The following RPS21 variants were observed in gnomAD, a reference collection of about 807,000 sequenced individuals.
The protein encoded by RPS21 is small ribosomal subunit protein eS21.
Under a neutral mutation model 14.5 loss-of-function variants are expected in RPS21, and 6 were observed. The ratio of observed to expected loss-of-function variants is 0.41; its 90% confidence interval spans 0.23 to 0.82. The LOEUF (loss-of-function observed/expected upper bound fraction) is 0.82, where lower values mean the gene tolerates loss of function less well. Ranked by LOEUF, RPS21 falls within the 40% of genes least tolerant of loss-of-function variation. The pLI, the probability that RPS21 is intolerant of heterozygous loss-of-function variation, is 0.31. For missense variants in RPS21, 85 were observed against 115.0 expected (o/e 0.74, Z 1.19); for synonymous variants, 61 against 42.6 (o/e 1.43, Z -1.69).
intron 1 of RPS21, 30 bp downstream of exon 1, chr20:62,387,166 A>AGGGCTG (rs899576032): frequency 8.0e-5 from 41 of 515,426 alleles, no homozygotes; most frequent in South Asian, 7.3e-4. Flanking sequence ...CTTCGGGCTC[A>AGGGCTG]GGGCTGGGGC....
At chr20:62,387,544 C>A (rs1412300520) in intron 2 of RPS21, 67 bp from the exon 3 acceptor site, 1 of 1,589,118 alleles carries the variant, frequency 6.3e-7, no homozygotes, top group South Asian at 1.1e-5. Flanking sequence ...TACCCCCAAC[C>A]TCCCTCGTCC....
rs1214269251 is a variant in RPS21 at position 62,387,392 on chromosome 20, A to G, written c.50+4A>G. 1 of 1,608,126 alleles carries G rather than the reference A, an allele frequency of 6.2e-7. No homozygotes were observed. Among genetic ancestry groups the G allele is most frequent in the East Asian group, 2.2e-5 (1 of 44,518 alleles). On this transcript the variant is annotated splice_donor_region_variant and intron_variant, in intron 2 of 5. Coordinates refer to ENST00000343986, the MANE Select transcript of RPS21 (RefSeq NM_001024.4). Reference sequence around the variant, plus strand: ...ACCTGTACGTGCCGCGGAAATGGTAAGCGCCCCCCACATGCCTCTCTTCCG... The same window carrying G: ...ACCTGTACGTGCCGCGGAAATGGTAGGCGCCCCCCACATGCCTCTCTTCCG...
chr20:62,387,749 G>A (rs764197442), intron 3 of RPS21, 75 bp downstream of exon 3: 3 of 1,614,066 alleles, frequency 1.9e-6, no homozygotes, highest in Non-Finnish European at 1.7e-6. Flanking sequence ...TTGTGGAGGA[G>A]CCCCTGGGGT....
At chr20:62,387,213 G>A (rs972403670) in intron 1 of RPS21, 77 bp downstream of exon 1, 15 of 752,772 alleles carry the variant, frequency 2.0e-5, no homozygotes, top group Non-Finnish European at 2.7e-5. Flanking sequence ...GGGGGACGGG[G>A]TGCGGGGTGC....
rs745932329 is a variant in RPS21 at position 62,387,333 on chromosome 20, C to T, written c.-6C>T. 114 of 1,598,560 alleles carry T rather than the reference C, an allele frequency of 7.1e-5. No homozygotes were observed. The highest frequency in any genetic ancestry group is 9.3e-5 in the Non-Finnish European group (109 of 1,173,444). ...GGTGACTCCCCAGGCGCAGCCCAGC[C>T]TCGAAATGCAGAACGACGCCGGCGA... On this transcript the variant is annotated 5_prime_UTR_variant, in exon 2 of 6. Coordinates refer to ENST00000343986, the MANE Select transcript of RPS21 (RefSeq NM_001024.4).
In RPS21 at chr20:62,388,214, G is replaced by C. The variant is rs1316506956; in HGVS notation, c.187-95G>C. 4 of 1,476,072 alleles carry C rather than the reference G, an allele frequency of 2.7e-6. No individual in the cohort carries two copies. The African/African-American group carries it at 5.7e-5, about 21-fold the overall frequency. The allele number at this position is 1,476,072 out of a possible 1,614,324, so 91.4% of individuals were successfully genotyped here. A position where few individuals can be genotyped will look rare whatever the true frequency, so the allele number is the denominator to read the frequency against. ...TGCGCCTGTCTCCATTCGCTCAGCG[G>C]GGGAGAGACGTGGGCTGGTGGCACA... On this transcript the variant is annotated intron_variant, in intron 4 of 5. Coordinates refer to ENST00000343986, the MANE Select transcript of RPS21 (RefSeq NM_001024.4).
intron 4 of RPS21, 172 bp from the exon 5 acceptor site, chr20:62,388,137 C>T (rs1404122477): frequency 4.0e-6 from 6 of 1,489,166 alleles, no homozygotes; most frequent in East Asian, 4.9e-5. Context: ...CCCCCGACCC[C>T]GCTCCACCAT....
intron 4 of RPS21, 96 bp from the exon 5 acceptor site, chr20:62,388,212 CG>C: frequency 6.8e-7 from 1 of 1,467,822 alleles, no homozygotes; most frequent in Non-Finnish European, 9.2e-7. Context: ...ATTCGCTCAG[CG>C]GGGGAGAGAC....
chr20:62,388,121 G>A, intron 4 of RPS21, 188 bp from the exon 5 acceptor site: 3 of 1,506,472 alleles, frequency 2.0e-6, no homozygotes, highest in African/African-American at 1.4e-5. Flanking sequence ...CTCACTAGGA[G>A]GTGCCCCCCC....
chr20:62,387,521 T>G, intron 2 of RPS21, 90 bp from the exon 3 acceptor site: 1 of 1,587,336 alleles, frequency 6.3e-7, no homozygotes, highest in Admixed American at 1.7e-5. Context: ...GACGTTACTC[T>G]TTTCCATTCA....
chr20:62,387,893 C>T lies in RPS21; in HGVS notation c.165C>T (p.Ile55=), dbSNP rs781607215. 9.3e-6 allele frequency: 15 copies of T among 1,614,078 alleles called. No homozygotes were observed. Among genetic ancestry groups the T allele is most frequent in the South Asian group, 8.8e-5 (8 of 91,086 alleles). Residue 55 remains isoleucine (I), a synonymous_variant, in exon 4 of 6, where the codon ATC becomes ATT. Transcript: ENST00000343986. The stretch of plus-strand genomic sequence containing the variant: ...ATGGCCAGTTTAAAACTTATGCTAT[C>T]TGCGGGGCCATTCGTAGGATGGTGA... ...RFNGQFKTYA[I]CGAIRRMGES... is the part of the protein sequence containing the mutation.
At chr20:62,387,489 G>C in intron 2 of RPS21, 101 bp downstream of exon 2, 1 of 1,585,100 alleles carries the variant, frequency 6.3e-7, no homozygotes, top group Non-Finnish European at 8.6e-7. Flanking sequence ...ACCTCGTCAC[G>C]TCCCTAACTT....
In RPS21 at chr20:62,388,356, C is replaced by T. The variant is rs148080704; in HGVS notation, c.234C>T (p.Ile78=). 1.4e-5 allele frequency: 23 copies of T among 1,602,908 alleles called. No homozygotes were observed. In the East Asian group the frequency reaches 1.6e-4, roughly 11 times the overall value. ...SILRLAKADG[I]VSKNF ...TCCGATTGGCCAAGGCCGATGGCAT[C>T]GTCTCAAAGTAAGGTTGGGGGCTCA... Residue 78 remains isoleucine (I), a synonymous_variant, in exon 5 of 6, where the codon ATC becomes ATT. Coordinates refer to ENST00000343986, the MANE Select transcript of RPS21 (RefSeq NM_001024.4).
chr20:62,387,390 T>TA lies in RPS21; in HGVS notation c.50+4dup. The TA allele has an allele frequency of 6.2e-7, 1 of 1,608,284 alleles. No homozygotes were observed. The highest frequency in any genetic ancestry group is 1.1e-5 in the South Asian group (1 of 90,130). Reference sequence around the variant, plus strand: ...GGACCTGTACGTGCCGCGGAAATGGTAAGCGCCCCCCACATGCCTCTCTTC... The same window carrying TA: ...GGACCTGTACGTGCCGCGGAAATGGTAAAGCGCCCCCCACATGCCTCTCTTC... On this transcript the variant is annotated splice_region_variant and intron_variant, in intron 2 of 5. Coordinates refer to ENST00000343986, the MANE Select transcript of RPS21 (RefSeq NM_001024.4).
chr20:62,387,293 C>G, intron 1 of RPS21, 28 bp from the exon 2 acceptor site: 1 of 1,551,400 alleles, frequency 6.4e-7, no homozygotes, highest in Non-Finnish European at 8.7e-7. Flanking sequence ...TCCGGCCGTA[C>G]TCACGGCGCC....
At chr20:62,387,495 A>AACTTGTCCTGCCCCCG (rs1408521208) in intron 2 of RPS21, 107 bp downstream of exon 2, 29 of 1,586,742 alleles carry the variant, frequency 1.8e-5, no homozygotes, top group Non-Finnish European at 3.4e-6. Flanking sequence ...TCACGTCCCT[A>AACTTGTCCTGCCCCCG]ACTTGTCCTG....
intron 1 of RPS21, 82 bp from the exon 2 acceptor site, chr20:62,387,239 C>T (rs1987761921): frequency 9.7e-7 from 1 of 1,032,598 alleles, no homozygotes; most frequent in Non-Finnish European, 1.4e-6. Context: ...GCGGCTGGGG[C>T]CGTGACCCTA....
chr20:62,387,956 G>T (rs1368788551), intron 4 of RPS21, 42 bp downstream of exon 4: 7 of 1,614,214 alleles, frequency 4.3e-6, no homozygotes, highest in Non-Finnish European at 5.9e-6. Context: ...TCGGGACATC[G>T]TGGACTTTAC....
intron 2 of RPS21, 56 bp from the exon 3 acceptor site, chr20:62,387,555 C>A: frequency 6.3e-7 from 1 of 1,593,166 alleles, no homozygotes; most frequent in Non-Finnish European, 8.6e-7. Context: ...TCCCTCGTCC[C>A]CTCTTTCATT....
Sources: allele counts gnomAD v4.1 joint callset, GRCh38; gene constraint gnomAD v4.1.1; transcripts MANE v1.5; gene names NCBI Gene and HGNC (gene_info 2026-07-23, HGNC 2026-07-21).